The following ABHD6 variants were observed in gnomAD, a reference collection of about 807,000 sequenced individuals.
ABHD6 encodes the protein monoacylglycerol lipase ABHD6.
A neutral mutation model predicts 38.8 loss-of-function variants in ABHD6; 33 were observed. That is an observed-to-expected ratio of 0.85 (90% CI 0.64 to 1.14). ABHD6 has a LOEUF of 1.14. Among genes scored for constraint, ABHD6 ranks in the 50% most tolerant of loss-of-function variants. The pLI, the probability that ABHD6 is intolerant of heterozygous loss-of-function variation, is 0.00. For missense variants in ABHD6, 380 were observed against 422.6 expected (o/e 0.90, Z 0.88); for synonymous variants, 147 against 161.6 (o/e 0.91, Z 0.69).
chr3:58,285,493 A>G lies in ABHD6; in HGVS notation c.837+40A>G, dbSNP rs991015449. On this transcript the variant is annotated intron_variant, in intron 9 of 9. Transcript: ENST00000478253. This position sits in a 1 kb window ranked among gnomAD's most constrained non-coding sequence, Gnocchi z 4.9. ...CCCGCGGCAGTCTGTGCTGGTCACC[A>G]GGGCCTCTGAGGAAAAACGTCCTTG... is the stretch of plus-strand genomic sequence containing the variant. 1 of 1,539,456 alleles carries G rather than the reference A, an allele frequency of 6.5e-7. No homozygotes were observed. Among genetic ancestry groups the G allele is most frequent in the East Asian group, 2.2e-5 (1 of 44,492 alleles).
intron 9 of ABHD6, among the ~76,000 whole-genome samples, chr3:58,286,024 T>C (rs1399428838): frequency 1.0e-4 from 7 of 68,310 alleles, no homozygotes; most frequent in Non-Finnish European, 1.5e-4. Flanking sequence ...TTTGTTCTTT[T>C]GTTTTTTTTT....
chr3:58,272,505 G>A (rs930878227), intron 6 of ABHD6, among the ~76,000 whole-genome samples: 12 of 152,050 alleles, frequency 7.9e-5, no homozygotes, highest in African/African-American at 2.7e-4. Context: ...AATCATTTTC[G>A]ATATGTTGAG....
At chr3:58,289,389 C>A (rs539819505) in intron 9 of ABHD6, among the ~76,000 whole-genome samples, 14 of 151,174 alleles carry the variant, frequency 9.3e-5, no homozygotes, top group Non-Finnish European at 1.9e-4. Context: ...AGGCCTTCCG[C>A]AGTGTTTGTG....
rs773584770 is a variant in ABHD6, at chr3:58,271,034, G to A, written c.493G>A (p.Val165Ile). ...GTATGCTGCTTACTACCCATCGGAT[G>A]TCTCCAGCCTGTGTCTCGTGTGTCC... ...GVYAAYYPSD[V>I]SSLCLVCPAG... Residue 165 changes from valine (V) to isoleucine (I), a missense_variant, in exon 6 of 10, where the codon GTC becomes ATC. Val to Ile is a conservative substitution (Grantham distance 29). Coordinates refer to ENST00000478253, the MANE Select transcript of ABHD6 (RefSeq NM_001320126.2). The A allele has an allele frequency of 1.2e-6, 2 of 1,610,730 alleles. No individual in the cohort carries two copies. Among genetic ancestry groups the A allele is most frequent in the Non-Finnish European group, 1.7e-6 (2 of 1,179,044 alleles).
Position 58,251,457 on chromosome 3 carries a change from A to G in ABHD6, c.-26+1515A>G, listed in dbSNP as rs1480580887. Among the ~76,000 whole-genome samples the G allele has an allele frequency of 6.6e-6, 1 of 152,228 alleles. No individual in the cohort carries two copies. Among genetic ancestry groups the G allele is most frequent in the Non-Finnish European group, 1.5e-5 (1 of 68,046 alleles). ...TATACCCTGAAGACTAAGATATTGG[A>G]ACTCAAGATCCCAGTTTTCAAAATC... On this transcript the variant is annotated intron_variant, in intron 2 of 9. Coordinates refer to ENST00000478253, the MANE Select transcript of ABHD6 (RefSeq NM_001320126.2). The surrounding 1 kb of genome is among the most constrained non-coding windows in gnomAD (Gnocchi z 5.4).
At position 58,269,446 on chromosome 3, in the gene ABHD6, G is replaced by T. The variant is rs750709724; in HGVS notation, c.390+12G>T. Reference sequence around the variant, plus strand: ...AGAGGATACACCAGGTAAGCAGGAGGCTCTACCAAAGATTGCCCAGACTGT... The same window carrying T: ...AGAGGATACACCAGGTAAGCAGGAGTCTCTACCAAAGATTGCCCAGACTGT... On this transcript the variant is annotated intron_variant, in intron 5 of 9. Coordinates refer to ENST00000478253, the MANE Select transcript of ABHD6 (RefSeq NM_001320126.2). This position sits in a 1 kb window ranked among gnomAD's most constrained non-coding sequence, Gnocchi z 4.4. 4 of 1,601,838 alleles carry T rather than the reference G, an allele frequency of 2.5e-6. No homozygotes were observed. Among genetic ancestry groups the T allele is most frequent in the African/African-American group, 1.3e-5 (1 of 74,662 alleles).
chr3:58,284,850 T>C (rs1475701993), intron 7 of ABHD6, among the ~76,000 whole-genome samples: 1 of 152,114 alleles, frequency 6.6e-6, no homozygotes, highest in East Asian at 1.9e-4. Flanking sequence ...CACCTCCAGT[T>C]TCACGATATT....
chr3:58,259,213 T>G lies in ABHD6; in HGVS notation c.119+2508T>G, dbSNP rs1208430611. On this transcript the variant is annotated intron_variant, in intron 3 of 9. Coordinates refer to ENST00000478253, the MANE Select transcript of ABHD6 (RefSeq NM_001320126.2). The surrounding 1 kb of genome is among the most constrained non-coding windows in gnomAD (Gnocchi z 4.7). The stretch of plus-strand genomic sequence containing the variant: ...CACCTCATGTGGAAACTAGCCTCAA[T>G]GCTGCATAGTCCCCCAACAGTTCCC... Among the ~76,000 whole-genome samples the G allele has an allele frequency of 1.3e-5, 2 of 152,210 alleles. No homozygotes were observed. Among genetic ancestry groups the G allele is most frequent in the Non-Finnish European group, 2.9e-5 (2 of 68,032 alleles).
intron 2 of ABHD6, among the ~76,000 whole-genome samples, chr3:58,252,760 G>A (rs1261051648): frequency 6.6e-6 from 1 of 152,126 alleles, no homozygotes; most frequent in East Asian, 1.9e-4. Flanking sequence ...GCAGTTCCTG[G>A]TTCATAATGC....
rs565307208 is a variant in ABHD6 at position 58,293,077 on chromosome 3, C to T, written c.838-512C>T. ...ATGGTCCGTGTGGCTGTAGGAGCAG[C>T]GCCCTCCTCTCTGCCCCTTCTCCCC... On this transcript the variant is annotated intron_variant, in intron 9 of 9. Transcript: ENST00000478253. This position sits in a 1 kb window ranked among gnomAD's most constrained non-coding sequence, Gnocchi z 4.4. 7.9e-5 allele frequency among the ~76,000 whole-genome samples: 12 copies of T among 152,180 alleles called. No homozygotes were observed. In the East Asian group the frequency reaches 1.2e-3, roughly 15 times the overall value.
chr3:58,267,100 A>G lies in ABHD6; in HGVS notation c.120-89A>G. The G allele has an allele frequency of 2.2e-6, 3 of 1,369,402 alleles. No homozygotes were observed. The highest frequency in any genetic ancestry group is 3.0e-6 in the Non-Finnish European group (3 of 990,294). 84.8% of individuals were successfully genotyped at this position (1,369,402 alleles called of 1,614,324 possible). ...GAAGTGTTTGTGTTATCACTAAGGA[A>G]GACTTATAGAGAGGACCTGTGCCCA... On this transcript the variant is annotated intron_variant, in intron 3 of 9. Transcript: ENST00000478253. This position sits in a 1 kb window ranked among gnomAD's most constrained non-coding sequence, Gnocchi z 4.3.
At chr3:58,290,014 G>A (rs1229334310) in intron 9 of ABHD6, among the ~76,000 whole-genome samples, 11 of 139,374 alleles carry the variant, frequency 7.9e-5, no homozygotes, top group South Asian at 4.6e-4. Flanking sequence ...CCTCCCTCCC[G>A]GACGGGGCGG....
chr3:58,255,703 G>A (rs1235168633), intron 2 of ABHD6, among the ~76,000 whole-genome samples: 1 of 151,878 alleles, frequency 6.6e-6, no homozygotes, highest in Non-Finnish European at 1.5e-5. Flanking sequence ...AGAGTGCAAT[G>A]GCACAATCTT....
Position 58,269,552 on chromosome 3 carries a change from C to T in ABHD6, c.390+118C>T. ...CCTCATGACCAGTCTCCTGTACATT[C>T]TGTCTACAAGTGATGGCAAGCCAAA... On this transcript the variant is annotated intron_variant, in intron 5 of 9. Transcript: ENST00000478253. This position sits in a 1 kb window ranked among gnomAD's most constrained non-coding sequence, Gnocchi z 4.4. 2 of 778,458 alleles carry T rather than the reference C, an allele frequency of 2.6e-6. No homozygotes were observed. The highest frequency in any genetic ancestry group is 2.8e-5 in the East Asian group (1 of 36,292). 48.2% of individuals were successfully genotyped at this position (778,458 alleles called of 1,614,324 possible).
intron 7 of ABHD6, among the ~76,000 whole-genome samples, chr3:58,276,708 G>C (rs1389195367): frequency 6.6e-6 from 1 of 152,142 alleles, no homozygotes; most frequent in Non-Finnish European, 1.5e-5. Context: ...TTCCTGTATG[G>C]TATTGCCTAG....
rs185357476 is a variant in ABHD6, at chr3:58,278,148, A to G, written c.681+3333A>G. Among the ~76,000 whole-genome samples the G allele has an allele frequency of 5.3e-3, 802 of 152,076 alleles. 4 individuals are homozygous for G. The highest frequency in any genetic ancestry group is 0.01 in the Middle Eastern group (3 of 294). On this transcript the variant is annotated intron_variant, in intron 7 of 9. Coordinates refer to ENST00000478253, the MANE Select transcript of ABHD6 (RefSeq NM_001320126.2). Reference sequence around the variant, plus strand: ...ATGAGTTAGGGAGGATTCCCTCTTTATTGATTGGAATCGTTTCCAAAGGAA... The same window carrying G: ...ATGAGTTAGGGAGGATTCCCTCTTTGTTGATTGGAATCGTTTCCAAAGGAA...
At position 58,293,939 on chromosome 3, in the gene ABHD6, C is replaced by A. The variant is rs545639765; in HGVS notation, c.*174C>A. 3.5e-6 allele frequency: 2 copies of A among 579,248 alleles called. No individual in the cohort carries two copies. Among genetic ancestry groups the A allele is most frequent in the South Asian group, 3.5e-5 (1 of 28,540 alleles). The allele number at this position is 579,248 out of a possible 1,614,324, so 35.9% of individuals were successfully genotyped here. A position where few individuals can be genotyped will look rare whatever the true frequency, so the allele number is the denominator to read the frequency against. Reference sequence around the variant, plus strand: ...GTTCCCCAGAGCTTTGGGGACCACGCGAAAACCTCCAAGATATTTTTCACA... The same window carrying A: ...GTTCCCCAGAGCTTTGGGGACCACGAGAAAACCTCCAAGATATTTTTCACA... On this transcript the variant is annotated 3_prime_UTR_variant, in exon 10 of 10. Coordinates refer to ENST00000478253, the MANE Select transcript of ABHD6 (RefSeq NM_001320126.2). The surrounding 1 kb of genome is among the most constrained non-coding windows in gnomAD (Gnocchi z 4.4).
chr3:58,258,073 C>T (rs1290738544), intron 3 of ABHD6, among the ~76,000 whole-genome samples: 4 of 152,148 alleles, frequency 2.6e-5, no homozygotes, highest in East Asian at 3.9e-4. Flanking sequence ...TTTGGGAGGC[C>T]GAGGCAGGCA....
At chr3:58,270,586 A>C (rs1351781059) in intron 5 of ABHD6, among the ~76,000 whole-genome samples, 1 of 151,492 alleles carries the variant, frequency 6.6e-6, no homozygotes, top group East Asian at 1.9e-4. Flanking sequence ...AGATGGGAGG[A>C]TCACCTGAGC....
Sources: gnomAD v4.1 joint callset for allele counts (sites outside exome capture counted in the v4.1 genomes callset) on GRCh38, gnomAD v4.1.1 for gene constraint, Gnocchi (gnomAD v3.1) non-coding constraint, MANE v1.5 for transcripts, NCBI Gene and HGNC (gene_info 2026-07-23, HGNC 2026-07-21) for gene names.